The following PTP4A1 variants were observed in gnomAD, a reference collection of about 807,000 sequenced individuals.
PTP4A1 encodes the protein protein tyrosine phosphatase 4A1.
In PTP4A1, 9 loss-of-function variants were observed where a neutral mutation model predicts 20.5. That is an observed-to-expected ratio of 0.44 (90% CI 0.26 to 0.77). The LOEUF is 0.77. PTP4A1 is among the 30% of genes least tolerant of loss of function. The probability of loss-of-function intolerance (pLI) is 0.19; values close to 1 mark genes in which losing one functional copy is unlikely to be tolerated. For synonymous variants in PTP4A1, 78 were observed against 67.4 expected, an observed-to-expected ratio of 1.16 and a Z score of -0.77; for missense variants, 137 against 218.8, an observed-to-expected ratio of 0.63 and a Z score of 2.36.
At chr6:63,577,321 C>G (rs576344577) in intron 2 of PTP4A1, among the ~76,000 whole-genome samples, 2 of 152,132 alleles carry the variant, frequency 1.3e-5, no homozygotes, top group South Asian at 4.1e-4. Context: ...ATGACTAATG[C>G]CATAAACCAG....
chr6:63,518,320 T>C (rs1774805268), upstream of PTP4A1, among the ~76,000 whole-genome samples: 1 of 152,220 alleles, frequency 6.6e-6, no homozygotes, highest in Admixed American at 6.5e-5. Flanking sequence ...TTGTATTTAC[T>C]TTTCTTGTTA....
chr6:63,523,287 TG>T (rs1775016453), intron 1 of PTP4A1, among the ~76,000 whole-genome samples: 1 of 152,068 alleles, frequency 6.6e-6, no homozygotes, highest in African/African-American at 2.4e-5. Context: ...CACAATATGA[TG>T]TCTATAAATG....
At chr6:63,529,187 G>A (rs990955661) in intron 2 of PTP4A1, among the ~76,000 whole-genome samples, 4 of 145,320 alleles carry the variant, frequency 2.8e-5, no homozygotes, top group Admixed American at 2.1e-4. Flanking sequence ...GTATATATAT[G>A]TGTGTATATA....
At chr6:63,532,597 C>G (rs776991819) in intron 2 of PTP4A1, among the ~76,000 whole-genome samples, 1 of 152,072 alleles carries the variant, frequency 6.6e-6, no homozygotes, top group Non-Finnish European at 1.5e-5. Context: ...ATTCACTATC[C>G]CCTTATTAAA....
intron 2 of PTP4A1, among the ~76,000 whole-genome samples, chr6:63,539,627 T>A (rs907754236): frequency 1.3e-5 from 2 of 151,870 alleles, no homozygotes; most frequent in Non-Finnish European, 2.9e-5. Flanking sequence ...ATACAAAAAA[T>A]ATTAGCCAGG....
At chr6:63,538,551 T>C (rs965544137) in intron 2 of PTP4A1, among the ~76,000 whole-genome samples, 2 of 152,184 alleles carry the variant, frequency 1.3e-5, no homozygotes, top group African/African-American at 4.8e-5. Flanking sequence ...AAATAATTAA[T>C]AGGATTTTGA....
chr6:63,521,179 T>G (rs149853768), upstream of PTP4A1, among the ~76,000 whole-genome samples: 14 of 152,042 alleles, frequency 9.2e-5, no homozygotes, highest in East Asian at 2.7e-3. Flanking sequence ...TGTATACCTA[T>G]GTAACAAACC....
At position 63,578,929 on chromosome 6, in the gene PTP4A1, C is replaced by G; in HGVS notation, c.230C>G (p.Ser77Cys). The change falls in exon 4 of 6, where the codon TCC (serine) becomes TGC (cysteine). Residue 77 changes from serine to cysteine, a missense_variant. Ser to Cys is a moderately radical substitution (Grantham distance 112). Coordinates refer to ENST00000626021, the MANE Select transcript of PTP4A1 (RefSeq NM_003463.5). Reference sequence around the variant, plus strand: ...CCTTTTGATGATGGTGCACCACCATCCAACCAGATTGTTGATGACTGGTTA... The same window carrying G: ...CCTTTTGATGATGGTGCACCACCATGCAACCAGATTGTTGATGACTGGTTA... ...DWPFDDGAPP[S>C]NQIVDDWLSL... The G allele has an allele frequency of 6.3e-7, 1 of 1,593,770 alleles. No individual in the cohort carries two copies. Among genetic ancestry groups the G allele is most frequent in the Non-Finnish European group, 8.5e-7 (1 of 1,172,928 alleles).
intron 2 of PTP4A1, among the ~76,000 whole-genome samples, chr6:63,529,706 G>C (rs1001276254): frequency 3.9e-5 from 6 of 152,152 alleles, no homozygotes; most frequent in Non-Finnish European, 7.4e-5. Context: ...CAAGGGTGGA[G>C]GAAAAGGTTA....
chr6:63,541,213 G>A (rs1338738792), intron 2 of PTP4A1, among the ~76,000 whole-genome samples: 2 of 152,056 alleles, frequency 1.3e-5, no homozygotes, highest in East Asian at 3.9e-4. Context: ...TCCATTACTA[G>A]TATCAATATC....
chr6:63,546,263 G>C (rs1054086627), intron 2 of PTP4A1, among the ~76,000 whole-genome samples: 1 of 152,174 alleles, frequency 6.6e-6, no homozygotes, highest in Non-Finnish European at 1.5e-5. Flanking sequence ...AGGACATTTT[G>C]CTAAGTGAAA....
At chr6:63,529,137 G>GTATATATATGTGTGTA (rs1562112373) in intron 2 of PTP4A1, among the ~76,000 whole-genome samples, 9 of 136,796 alleles carry the variant, frequency 6.6e-5, no homozygotes, top group African/African-American at 2.2e-4. Context: ...ATATGTGTGT[G>GTATATATATGTGTGTA]TATATATATA....
At chr6:63,532,718 T>G in intron 2 of PTP4A1, among the ~76,000 whole-genome samples, 1 of 152,146 alleles carries the variant, frequency 6.6e-6, no homozygotes, top group East Asian at 1.9e-4. Context: ...ACTATGAGAG[T>G]TAAAATATTT....
At chr6:63,547,544 C>T (rs1321555161) in intron 2 of PTP4A1, among the ~76,000 whole-genome samples, 3 of 122,448 alleles carry the variant, frequency 2.5e-5, no homozygotes, top group Non-Finnish European at 4.9e-5. Context: ...CTTGCTCTGT[C>T]GCCCAGGCTG....
At chr6:63,562,201 C>CTT (rs60593360) in intron 3 of PTP4A1, among the ~76,000 whole-genome samples, 36 of 137,320 alleles carry the variant, frequency 2.6e-4, no homozygotes, top group Admixed American at 9.5e-4. Flanking sequence ...TTTTCTTTTT[C>CTT]TTTTTTTTTT....
intron 5 of PTP4A1, 22 bp from the exon 6 acceptor site, chr6:63,580,033 ATT>A (rs56188808): frequency 0.02 from 26,441 of 1,296,552 alleles, no homozygotes; most frequent in South Asian, 0.022. Flanking sequence ...GCCTTGTTTC[ATT>A]TTTTTTTTTT....
upstream of PTP4A1, chr6:63,572,304 C>G (rs924832682): frequency 4.6e-6 from 1 of 216,000 alleles, no homozygotes; most frequent in East Asian, 1.0e-4. Flanking sequence ...CGACTCGGCG[C>G]TTAGCCATTC....
intron 3 of PTP4A1, among the ~76,000 whole-genome samples, chr6:63,561,951 G>C (rs1156446801): frequency 6.6e-6 from 1 of 152,020 alleles, no homozygotes; most frequent in East Asian, 1.9e-4. Flanking sequence ...CAACCTCTTT[G>C]AGCATTTATC....
upstream of PTP4A1, among the ~76,000 whole-genome samples, chr6:63,520,942 A>G (rs988410659): frequency 3.9e-5 from 6 of 152,198 alleles, no homozygotes; most frequent in East Asian, 1.9e-4. Flanking sequence ...AGGGACATGG[A>G]TGAAGCTAGA....
Sources: gnomAD v4.1 joint callset for allele counts (sites outside exome capture counted in the v4.1 genomes callset) on GRCh38, gnomAD v4.1.1 for gene constraint, MANE v1.5 for transcripts, NCBI Gene and HGNC (gene_info 2026-07-23, HGNC 2026-07-21) for gene names.